DMD: variants seen among roughly 807,000 people sequenced by gnomAD.
DMD encodes the protein mutant dystrophin.
DMD carries 63 observed loss-of-function variants against 330.1 expected under a neutral mutation model. That is an observed-to-expected ratio of 0.19 (90% CI 0.16 to 0.24). The LOEUF is 0.24. Among genes scored for constraint, DMD ranks in the 10% least tolerant of loss-of-function variants. The pLI, the probability that DMD is intolerant of heterozygous loss-of-function variation, is 1.00. For missense variants in DMD, 3,344 were observed against 2,684.1 expected (o/e 1.25, Z -5.43); for synonymous variants, 1,223 against 959.8 (o/e 1.27, Z -5.07).
intron 1 of DMD, among the ~76,000 whole-genome samples, chrX:33,301,378 G>T (rs2053658907): frequency 9.9e-6 from 1 of 101,172 alleles, no homozygotes; most frequent in African/African-American, 3.6e-5. Flanking sequence ...ATACTTCATG[G>T]TATATTTTTT....
intron 55 of DMD, among the ~76,000 whole-genome samples, chrX:31,530,507 C>T (rs765002775): frequency 9.1e-6 from 1 of 109,835 alleles, no homozygotes; most frequent in African/African-American, 3.3e-5. Context: ...ATAAAGTTAT[C>T]GAGTAAATGA....
chrX:32,806,213 G>A lies in DMD; in HGVS notation c.649+3280C>T, dbSNP rs186039746. ...AATCTCACGTGCAAAGACACACATA[G>A]GCTCAAAATAAAAGGATAGAGGAAT... On this transcript the variant is annotated intron_variant, in intron 7 of 78. Transcript: ENST00000357033. Among the ~76,000 whole-genome samples the A allele has an allele frequency of 1.1e-3, 121 of 111,557 alleles. 1 individual carries two copies. Among genetic ancestry groups the A allele is most frequent in the African/African-American group, 3.7e-3 (112 of 30,653 alleles).
intron 30 of DMD, among the ~76,000 whole-genome samples, chrX:32,410,608 C>G (rs1171404401): frequency 1.8e-5 from 2 of 111,696 alleles, no homozygotes; most frequent in African/African-American, 6.5e-5. Flanking sequence ...AGATTTGCAG[C>G]TAACCTTCTA....
intron 1 of DMD, among the ~76,000 whole-genome samples, chrX:33,334,467 C>A (rs1193546526): frequency 1.8e-5 from 2 of 111,092 alleles, no homozygotes; most frequent in African/African-American, 6.5e-5. Context: ...AGTAAATATT[C>A]CTGCTTTGTG....
At chrX:32,783,394 T>TAC (rs928306438) in intron 7 of DMD, among the ~76,000 whole-genome samples, 3 of 105,088 alleles carry the variant, frequency 2.9e-5, no homozygotes, top group African/African-American at 1.0e-4. Flanking sequence ...ACCATATATA[T>TAC]ACACACACAC....
At chrX:32,566,285 G>A (rs1029576530) in intron 15 of DMD, among the ~76,000 whole-genome samples, 2 of 111,987 alleles carry the variant, frequency 1.8e-5, no homozygotes, top group African/African-American at 6.5e-5. Flanking sequence ...TGACAATCAG[G>A]TACCAGGAGT....
At chrX:32,802,147 A>G (rs1331621803) in intron 7 of DMD, among the ~76,000 whole-genome samples, 2 of 111,532 alleles carry the variant, frequency 1.8e-5, no homozygotes, top group Non-Finnish European at 3.8e-5. Flanking sequence ...ATAAGCATGG[A>G]ATGTTTTTTC....
chrX:32,684,952 A>G (rs770557232), intron 9 of DMD, among the ~76,000 whole-genome samples: 1 of 111,905 alleles, frequency 8.9e-6, no homozygotes, highest in East Asian at 2.8e-4. Context: ...ATCATAACCA[A>G]TACATGATGC....
chrX:31,135,139 A>G (rs2035045650), intron 76 of DMD, among the ~76,000 whole-genome samples: 1 of 78,633 alleles, frequency 1.3e-5, no homozygotes, highest in Admixed American at 1.4e-4. Context: ...CCCATTCACA[A>G]ATGTGAAACT....
intron 41 of DMD, among the ~76,000 whole-genome samples, chrX:32,313,012 G>A (rs946370638): frequency 1.1e-5 from 1 of 90,276 alleles, no homozygotes; most frequent in East Asian, 3.6e-4. Flanking sequence ...GAGATACAAA[G>A]AGGAGCTGGT....
intron 9 of DMD, among the ~76,000 whole-genome samples, chrX:32,690,991 CTA>C (rs1160292827): frequency 9.0e-6 from 1 of 110,674 alleles, no homozygotes; most frequent in Non-Finnish European, 1.9e-5. Flanking sequence ...CTACATAAAA[CTA>C]AAAATCTTCT....
chrX:33,051,577 T>C (rs2094457166), intron 1 of DMD, among the ~76,000 whole-genome samples: 1 of 109,147 alleles, frequency 9.2e-6, no homozygotes, highest in South Asian at 3.9e-4. Context: ...TATTTTGATA[T>C]ACTCTATATG....
At chrX:32,065,848 A>G (rs2096256470) in intron 44 of DMD, among the ~76,000 whole-genome samples, 1 of 111,856 alleles carries the variant, frequency 8.9e-6, no homozygotes, top group Non-Finnish European at 1.9e-5. Flanking sequence ...TAATAGGCAC[A>G]TTTTGTTCAC....
At chrX:33,092,002 A>G (rs2095091030) in intron 1 of DMD, among the ~76,000 whole-genome samples, 1 of 111,855 alleles carries the variant, frequency 8.9e-6, no homozygotes, top group Non-Finnish European at 1.9e-5. Context: ...CTACTTACAT[A>G]TGCTTGTCTA....
intron 53 of DMD, among the ~76,000 whole-genome samples, chrX:31,663,852 T>C (rs2081269408): frequency 8.9e-6 from 1 of 111,869 alleles, no homozygotes; most frequent in Non-Finnish European, 1.9e-5. Context: ...AGAAGGCAGA[T>C]ATTCACTCAT....
At chrX:32,848,979 ATCTGTGTGTG>A (rs984327086) in intron 3 of DMD, among the ~76,000 whole-genome samples, 2 of 111,016 alleles carry the variant, frequency 1.8e-5, no homozygotes, top group African/African-American at 6.5e-5. Flanking sequence ...ATATGACAAA[ATCTGTGTGTG>A]TCTGTGTGTG....
chrX:33,186,927 A>G (rs1365722993), intron 1 of DMD, among the ~76,000 whole-genome samples: 1 of 112,060 alleles, frequency 8.9e-6, no homozygotes, highest in Non-Finnish European at 1.9e-5. Context: ...TGTTCACAAC[A>G]TTTTGCTTTT....
At chrX:33,191,330 A>T (rs1455024343) in intron 1 of DMD, among the ~76,000 whole-genome samples, 2 of 109,241 alleles carry the variant, frequency 1.8e-5, no homozygotes, top group African/African-American at 6.6e-5. Flanking sequence ...CATCTAACAA[A>T]TAGATCTGAA....
At chrX:31,463,142 G>A (rs2066638728) in intron 59 of DMD, among the ~76,000 whole-genome samples, 1 of 112,175 alleles carries the variant, frequency 8.9e-6, no homozygotes, top group South Asian at 3.7e-4. Flanking sequence ...ATAGGTAAGT[G>A]GAAGCGGGAG....
Sources: allele counts gnomAD v4.1 joint callset (sites outside exome capture counted in the v4.1 genomes callset), GRCh38; gene constraint gnomAD v4.1.1; transcripts MANE v1.5; gene names NCBI Gene and HGNC (gene_info 2026-07-23, HGNC 2026-07-21).